The following GRIK3 variants were observed in gnomAD, a reference collection of about 807,000 sequenced individuals.
The protein encoded by GRIK3 is glutamate receptor ionotropic, kainate 3.
GRIK3 carries 29 observed loss-of-function variants against 102.5 expected under a neutral mutation model. The observed-to-expected ratio is 0.28, with a 90% confidence interval of 0.21 to 0.39. GRIK3 has a LOEUF of 0.39. Ranked by LOEUF, GRIK3 falls within the 10% of genes least tolerant of loss-of-function variation. The pLI is 1.00. For missense variants in GRIK3, 908 were observed against 1,252.4 expected, an observed-to-expected ratio of 0.73 and a Z score of 4.15; for synonymous variants, 511 against 504.9, an observed-to-expected ratio of 1.01 and a Z score of -0.16.
intron 1 of GRIK3, among the ~76,000 whole-genome samples, chr1:36,949,574 C>CTTTTTTTTTTTTTTTT (rs60157852): frequency 1.5e-4 from 15 of 99,682 alleles, no homozygotes; most frequent in African/African-American, 4.7e-4. Context: ...CTCTCTCTTT[C>CTTTTTTTTTTTTTTTT]TTTTTTTTTT....
At chr1:36,820,083 C>G (rs1436989058) in intron 11 of GRIK3, among the ~76,000 whole-genome samples, 1 of 152,164 alleles carries the variant, frequency 6.6e-6, no homozygotes, top group Non-Finnish European at 1.5e-5. Flanking sequence ...TGCACATGCC[C>G]TTCAGGCTCC....
chr1:37,000,111 C>T (rs1053422238), intron 1 of GRIK3, among the ~76,000 whole-genome samples: 1 of 152,202 alleles, frequency 6.6e-6, no homozygotes, highest in African/African-American at 2.4e-5. Context: ...AGGAGTTTTG[C>T]TCTTTTGCTT....
rs115860102 is a variant in GRIK3, at chr1:36,953,348, C to A, written c.116-62252G>T. 4.2e-3 allele frequency among the ~76,000 whole-genome samples: 632 copies of A among 152,240 alleles called. 9 individuals carry two copies. The highest frequency in any genetic ancestry group is 0.014 in the African/African-American group (588 of 41,552). ...AGTGAGGTCCAAGGGGGCCTCCCTG[C>A]AGATATGCTGTTGAGCCGAGACCTG... On this transcript the variant is annotated intron_variant, in intron 1 of 15. Transcript: ENST00000373091.
At chr1:36,849,360 G>C (rs1487839566) in intron 9 of GRIK3, among the ~76,000 whole-genome samples, 2 of 152,174 alleles carry the variant, frequency 1.3e-5, no homozygotes, top group Admixed American at 6.5e-5. Context: ...CTGCTCCAAG[G>C]CAGCCTCACT....
At position 36,801,896 on chromosome 1, in the gene GRIK3, C is replaced by T. The variant is rs77692303; in HGVS notation, c.2715G>A (p.Lys905=). Residue 905 remains lysine (K), a synonymous_variant, in exon 16 of 16, where the codon AAG becomes AAA. Coordinates refer to ENST00000373091, the MANE Select transcript of GRIK3 (RefSeq NM_000831.4). ...AGGATGTGCTGCAGGCCATGCTGTC[C>T]TTGCCGGGAAGCCGGCGGTCATTGA... ...HTFNDRRLPG[K]DSMACSTSLA... 9.2e-5 allele frequency: 148 copies of T among 1,613,256 alleles called. No individual in the cohort carries two copies. In the East Asian group the frequency reaches 3.2e-3, roughly 35 times the overall value.
chr1:36,825,733 T>C lies in GRIK3; in HGVS notation c.1624A>G (p.Ile542Val), dbSNP rs750786453. 2 of 1,614,020 alleles carry C rather than the reference T, an allele frequency of 1.2e-6. No individual in the cohort carries two copies. Among genetic ancestry groups the C allele is most frequent in the South Asian group, 2.2e-5 (2 of 91,052 alleles). ...SKPFMTLGVS[I>V]LYRKPNGTNP... ...GTGCCATTGGGCTTTCGATACAGGA[T>C]GCTCACACCAAGTGTCATGAAGGGC... is the stretch of plus-strand genomic sequence containing the variant. Residue 542 changes from isoleucine (I) to valine (V), a missense_variant, in exon 11 of 16, where the codon ATC becomes GTC. Physicochemically the swap from Ile to Val is conservative, Grantham distance 29 (BLOSUM62 3). Transcript: ENST00000373091.
intron 3 of GRIK3, among the ~76,000 whole-genome samples, chr1:36,879,546 G>GA (rs1318950724): frequency 5.9e-5 from 9 of 152,326 alleles, no homozygotes; most frequent in African/African-American, 2.2e-4. Flanking sequence ...GGAAAAGCCA[G>GA]AGTGCGTTTG....
intron 1 of GRIK3, among the ~76,000 whole-genome samples, chr1:36,909,509 C>T (rs1641322291): frequency 6.6e-6 from 1 of 152,146 alleles, no homozygotes; most frequent in Non-Finnish European, 1.5e-5. Context: ...CCACGTTGAC[C>T]AGGCTGATTT....
Position 36,973,581 on chromosome 1 carries a change from G to A in GRIK3, c.115+60413C>T, listed in dbSNP as rs547739042. ...ACTACAGGCATGCGCCACCACGCCC[G>A]GCTAATTTTTTTTTTTTTTGTATTT... On this transcript the variant is annotated intron_variant, in intron 1 of 15. Coordinates refer to ENST00000373091, the MANE Select transcript of GRIK3 (RefSeq NM_000831.4). Among the ~76,000 whole-genome samples, 347 of 133,774 alleles carry A rather than the reference G, an allele frequency of 2.6e-3. 2 individuals carry two copies. The highest frequency in any genetic ancestry group is 0.011 in the African/African-American group (323 of 29,216). The allele number at this position is 133,774 out of a possible 152,430, so 87.8% of individuals were successfully genotyped here. A position where few individuals can be genotyped will look rare whatever the true frequency, so the allele number is the denominator to read the frequency against.
At chr1:36,853,994 G>T (rs954266177) in intron 7 of GRIK3, among the ~76,000 whole-genome samples, 4 of 152,230 alleles carry the variant, frequency 2.6e-5, no homozygotes, top group African/African-American at 9.6e-5. Flanking sequence ...CCGCCCTGAA[G>T]TCATGGGAAG....
chr1:36,853,957 C>G (rs551560753), intron 7 of GRIK3, among the ~76,000 whole-genome samples: 2 of 152,190 alleles, frequency 1.3e-5, no homozygotes, highest in African/African-American at 4.8e-5. Context: ...TGTACAACAT[C>G]GATCTTGGAT....
At chr1:37,015,792 T>C (rs1056810728) in intron 1 of GRIK3, among the ~76,000 whole-genome samples, 3 of 152,228 alleles carry the variant, frequency 2.0e-5, no homozygotes, top group African/African-American at 7.2e-5. Context: ...GGCTTGTGTC[T>C]GTGTGGTTTG....
chr1:36,919,837 G>A lies in GRIK3; in HGVS notation c.116-28741C>T, dbSNP rs79638941. Among the ~76,000 whole-genome samples the A allele has an allele frequency of 8.0e-4, 122 of 152,332 alleles. 2 individuals carry two copies. The highest frequency in any genetic ancestry group is 7.5e-3 in the East Asian group (39 of 5,180). On this transcript the variant is annotated intron_variant, in intron 1 of 15. Transcript: ENST00000373091. The stretch of plus-strand genomic sequence containing the variant: ...TGCCCATGGCCCCTGGGCCCTACCC[G>A]TGGCGGGTGCATATCCTCATCTTCA...
intron 10 of GRIK3, among the ~76,000 whole-genome samples, chr1:36,836,988 C>G (rs537839376): frequency 5.9e-4 from 90 of 152,180 alleles, no homozygotes; most frequent in Admixed American, 1.9e-3. Context: ...ACCCTCCCCC[C>G]CTTTCTAGTA....
chr1:36,949,364 G>A (rs2124333246), intron 1 of GRIK3, among the ~76,000 whole-genome samples: 1 of 152,142 alleles, frequency 6.6e-6, no homozygotes, highest in Middle Eastern at 3.4e-3. Flanking sequence ...TTTCAACTCT[G>A]GAACAGCCAA....
intron 1 of GRIK3, among the ~76,000 whole-genome samples, chr1:36,952,184 C>T (rs1471910823): frequency 2.0e-5 from 3 of 152,190 alleles, no homozygotes; most frequent in African/African-American, 7.2e-5. Context: ...CACTCAGCCA[C>T]GAGAGCCTAC....
chr1:36,890,996 A>G lies in GRIK3; in HGVS notation c.216T>C (p.Thr72=). 2.5e-6 allele frequency: 4 copies of G among 1,613,980 alleles called. No individual in the cohort carries two copies. The highest frequency in any genetic ancestry group is 3.4e-6 in the Non-Finnish European group (4 of 1,179,908). ...FSANIINRNR[T]LLPNTTLTYD... ...AGGTCAAGGTTGTGTTGGGCAGCAG[A>G]GTCCTGTTCCTGTTGATGATGTTGG... The change falls in exon 2 of 16, where the codon ACT becomes ACC. Residue 72 remains threonine (T), a synonymous_variant. Transcript: ENST00000373091.
In GRIK3 at chr1:37,032,923, G is replaced by T. The variant is rs187227115; in HGVS notation, c.115+1071C>A. Among the ~76,000 whole-genome samples, 572 of 152,342 alleles carry T rather than the reference G, an allele frequency of 3.8e-3. 1 individual carries two copies. The highest frequency in any genetic ancestry group is 0.012 in the African/African-American group (505 of 41,594). ...GCAGCCCAAGGTCCGCCCTGAAGAAGAGCTGTAGAGGAGGAAGGTGGCCCT... is the reference window on the plus strand; with the variant it reads ...GCAGCCCAAGGTCCGCCCTGAAGAATAGCTGTAGAGGAGGAAGGTGGCCCT... On this transcript the variant is annotated intron_variant, in intron 1 of 15. Transcript: ENST00000373091.
chr1:36,946,935 G>T (rs1167046338), intron 1 of GRIK3, among the ~76,000 whole-genome samples: 2 of 152,134 alleles, frequency 1.3e-5, no homozygotes, highest in African/African-American at 4.8e-5. Context: ...GCTCAGAAGG[G>T]GTAAGAAAGG....
Sources: gnomAD v4.1 joint callset for allele counts (sites outside exome capture counted in the v4.1 genomes callset) on GRCh38, gnomAD v4.1.1 for gene constraint, MANE v1.5 for transcripts, NCBI Gene and HGNC (gene_info 2026-07-23, HGNC 2026-07-21) for gene names.